Variants in MCOLN2 observed in about 807,000 individuals in gnomAD.
The protein encoded by MCOLN2 is mucolipin-2.
Under a neutral mutation model 67.5 loss-of-function variants are expected in MCOLN2, and 57 were observed. That is an observed-to-expected ratio of 0.84 (90% CI 0.68 to 1.05). The LOEUF (loss-of-function observed/expected upper bound fraction) is 1.05. MCOLN2 is among the 50% of genes least tolerant of loss of function. The probability of loss-of-function intolerance (pLI) is 0.00; values close to 1 mark genes in which losing one functional copy is unlikely to be tolerated. For missense variants in MCOLN2, 620 were observed against 678.8 expected (o/e 0.91, Z 0.96); for synonymous variants, 246 against 233.3 (o/e 1.05, Z -0.50).
At chr1:84,985,409 T>C (rs1650459778) in intron 1 of MCOLN2, among the ~76,000 whole-genome samples, 1 of 152,246 alleles carries the variant, frequency 6.6e-6, no homozygotes, top group African/African-American at 2.4e-5. Context: ...GTCTCCATCT[T>C]CTGTTCTAAA....
rs368484884 is a variant in MCOLN2 at position 84,979,946 on chromosome 1, A to C, written c.78-14238T>G. Among the ~76,000 whole-genome samples, 24 of 152,342 alleles carry C rather than the reference A, an allele frequency of 1.6e-4. No homozygotes were observed. In the East Asian group the frequency reaches 3.9e-3, roughly 24 times the overall value. ...AAAAAACTAAAGACTCCACTAAAAA[A>C]CAGTTAGAACTGATAAACAATTTTA... On this transcript the variant is annotated intron_variant, in intron 1 of 13. Transcript: ENST00000370608.
At chr1:84,975,400 G>C (rs757590394) in intron 1 of MCOLN2, among the ~76,000 whole-genome samples, 1 of 152,170 alleles carries the variant, frequency 6.6e-6, no homozygotes, top group African/African-American at 2.4e-5. Flanking sequence ...TCTCTGCCTG[G>C]TAATCCAAAG....
intron 1 of MCOLN2, among the ~76,000 whole-genome samples, chr1:84,988,457 CTCAGGTGAT>C (rs1302424440): frequency 2.0e-5 from 3 of 152,140 alleles, no homozygotes; most frequent in African/African-American, 7.2e-5. Flanking sequence ...TTATAAGTTA[CTCAGGTGAT>C]TCTAATGTGT....
chr1:84,958,831 T>A, intron 2 of MCOLN2, 129 bp from the exon 3 acceptor site: 1 of 604,638 alleles, frequency 1.7e-6, no homozygotes, highest in Non-Finnish European at 2.7e-6. Flanking sequence ...TGGTTTATAC[T>A]AATAGCATCA....
intron 11 of MCOLN2, among the ~76,000 whole-genome samples, chr1:84,936,941 T>C (rs1476265332): frequency 2.6e-5 from 4 of 152,168 alleles, no homozygotes; most frequent in African/African-American, 9.7e-5. Flanking sequence ...GGGGAGTAAA[T>C]AAGAAAGAAC....
intron 13 of MCOLN2, among the ~76,000 whole-genome samples, chr1:84,928,410 C>G (rs987833019): frequency 1.3e-5 from 2 of 152,184 alleles, no homozygotes; most frequent in African/African-American, 4.8e-5. Flanking sequence ...CGCCTTAAAT[C>G]TTTCACTTGT....
chr1:84,968,210 T>C (rs1649477577), intron 1 of MCOLN2, among the ~76,000 whole-genome samples: 1 of 152,132 alleles, frequency 6.6e-6, no homozygotes, highest in African/African-American at 2.4e-5. Flanking sequence ...AATTTAAAAA[T>C]AGACCCATCC....
chr1:84,952,044 GC>G (rs1648509370), intron 6 of MCOLN2, among the ~76,000 whole-genome samples, 198 bp downstream of exon 6: 1 of 152,008 alleles, frequency 6.6e-6, no homozygotes, highest in East Asian at 1.9e-4. Flanking sequence ...CTGAGATCAC[GC>G]CACTGCACTC....
At chr1:84,932,654 A>C (rs1647236910) in intron 11 of MCOLN2, among the ~76,000 whole-genome samples, 1 of 152,124 alleles carries the variant, frequency 6.6e-6, no homozygotes, top group Non-Finnish European at 1.5e-5. Context: ...AGAAACATTT[A>C]CTCTGAAATA....
chr1:84,979,370 A>AT (rs1157314758), intron 1 of MCOLN2, among the ~76,000 whole-genome samples: 2 of 152,296 alleles, frequency 1.3e-5, no homozygotes, highest in African/African-American at 4.8e-5. Flanking sequence ...ACAAAGACAC[A>AT]TAAAAAAAAT....
At chr1:84,982,756 A>G (rs958916723) in intron 1 of MCOLN2, among the ~76,000 whole-genome samples, 24 of 152,296 alleles carry the variant, frequency 1.6e-4, no homozygotes, top group African/African-American at 5.3e-4. Flanking sequence ...AAAATGGAGT[A>G]CAGTGGTGCG....
At chr1:84,930,592 G>A (rs766380605) in intron 12 of MCOLN2, among the ~76,000 whole-genome samples, 7 of 152,090 alleles carry the variant, frequency 4.6e-5, no homozygotes, top group South Asian at 2.1e-4. Flanking sequence ...ACCCTGATGC[G>A]AGAGGCAACT....
intron 13 of MCOLN2, 87 bp from the exon 14 acceptor site, chr1:84,926,808 C>G (rs571757929): frequency 4.2e-6 from 4 of 963,044 alleles, no homozygotes; most frequent in Admixed American, 2.6e-5. Context: ...ATATTCTAGG[C>G]CCGTAGATTA....
In MCOLN2 at chr1:84,974,420, AG is replaced by A. The variant is rs1291420769; in HGVS notation, c.78-8713del. 2.0e-5 allele frequency among the ~76,000 whole-genome samples: 3 copies of A among 151,664 alleles called. No homozygotes were observed. The East Asian group carries it at 5.9e-4, about 30-fold the overall frequency. ...GAGGAGAGGAGAAAGAAGAGTGGGG[AG>A]GACTTTGTCTTGCATCTTGGATACC... On this transcript the variant is annotated intron_variant, in intron 1 of 13. Transcript: ENST00000370608.
intron 6 of MCOLN2, among the ~76,000 whole-genome samples, chr1:84,950,527 G>C (rs1383877330): frequency 6.6e-6 from 1 of 152,270 alleles, no homozygotes; most frequent in South Asian, 2.1e-4. Flanking sequence ...AACAAAGATT[G>C]CTCCAAGACT....
intron 1 of MCOLN2, among the ~76,000 whole-genome samples, chr1:84,975,542 A>G (rs1571023819): frequency 6.6e-6 from 1 of 152,294 alleles, no homozygotes; most frequent in East Asian, 1.9e-4. Context: ...AATATCTGGA[A>G]AGCCTTCTGA....
chr1:84,927,224 T>C (rs1328146062), intron 13 of MCOLN2, among the ~76,000 whole-genome samples: 2 of 149,668 alleles, frequency 1.3e-5, no homozygotes, highest in African/African-American at 4.9e-5. Context: ...AAAAGAAAAA[T>C]ATATGTTACA....
At position 84,929,625 on chromosome 1, in the gene MCOLN2, A is replaced by T. The variant is rs1322137052; in HGVS notation, c.1597T>A (p.Cys533Ser). The change falls in exon 13 of 14, where the codon TGC (cysteine) becomes AGC (serine). Residue 533 changes from cysteine to serine, a missense_variant. By Grantham distance (112) the Cys-to-Ser change is moderately radical. Coordinates refer to ENST00000370608, the MANE Select transcript of MCOLN2 (RefSeq NM_153259.4). ...TTCTGATACTCTTCTTTGCTACTGCATTCCTTCAGGAATTCCTGCAAATCC... is the reference window on the plus strand; with the variant it reads ...TTCTGATACTCTTCTTTGCTACTGCTTTCCTTCAGGAATTCCTGCAAATCC... ...ETDLQEFLKE[C>S]SSKEEYQKES... is the part of the protein sequence containing the mutation. 6.2e-7 allele frequency: 1 copy of T among 1,613,892 alleles called. No homozygotes were observed. Among genetic ancestry groups the T allele is most frequent in the East Asian group, 2.2e-5 (1 of 44,846 alleles).
At chr1:84,993,937 A>C (rs1015783861) in intron 1 of MCOLN2, among the ~76,000 whole-genome samples, 2 of 152,102 alleles carry the variant, frequency 1.3e-5, no homozygotes, top group African/African-American at 4.8e-5. Flanking sequence ...GCCAAATAAT[A>C]AGTCTTGAAA....
Sources: allele counts gnomAD v4.1 joint callset (sites outside exome capture counted in the v4.1 genomes callset), GRCh38; gene constraint gnomAD v4.1.1; transcripts MANE v1.5; gene names NCBI Gene and HGNC (gene_info 2026-07-23, HGNC 2026-07-21).